The following CYRIB variants were observed in gnomAD, a reference collection of about 807,000 sequenced individuals.
CYRIB encodes the protein CYFIP related Rac1 interactor B, also known as CYFIP-related Rac1 interactor B.
A neutral mutation model predicts 44.2 loss-of-function variants in CYRIB; 8 were observed. The ratio of observed to expected loss-of-function variants is 0.18; its 90% CI spans 0.11 to 0.33. The LOEUF is 0.33. CYRIB is among the 10% of genes least tolerant of loss of function. The pLI, the probability that CYRIB is intolerant of heterozygous loss-of-function variation, is 1.00. For synonymous variants in CYRIB, 131 were observed against 127.2 expected (o/e 1.03, Z -0.20); for missense variants, 185 against 382.8 (o/e 0.48, Z 4.31).
At chr8:129,853,924 C>T (rs755053691) in intron 7 of CYRIB, among the ~76,000 whole-genome samples, 1 of 152,206 alleles carries the variant, frequency 6.6e-6, no homozygotes, top group African/African-American at 2.4e-5. Flanking sequence ...CAAGACTCTT[C>T]CATTCTAAGA....
intron 3 of CYRIB, among the ~76,000 whole-genome samples, chr8:129,872,284 C>T (rs1277961051): frequency 6.6e-6 from 1 of 152,070 alleles, no homozygotes; most frequent in Admixed American, 6.6e-5. Context: ...AATCTGAGTT[C>T]CTACACACTT....
intron 5 of CYRIB, 116 bp downstream of exon 7, chr8:129,862,113 A>G: frequency 1.4e-6 from 1 of 704,104 alleles, no homozygotes; most frequent in South Asian, 1.8e-5. Context: ...TGCTTTACTT[A>G]TAAAACAGAT....
In CYRIB at chr8:129,862,221, C is replaced by A. The variant is rs372093949; in HGVS notation, c.301+8G>T. On this transcript the variant is annotated splice_region_variant and intron_variant, in intron 5 of 11. Coordinates refer to ENST00000519824, the Ensembl canonical transcript of CYRIB. ...AGGGAAGTCACAATTACAAAACTTTCAACTTACCTAACCTCTGAGAAAATT... is the reference window on the plus strand; with the variant it reads ...AGGGAAGTCACAATTACAAAACTTTAAACTTACCTAACCTCTGAGAAAATT... 1.8e-5 allele frequency: 28 copies of A among 1,596,544 alleles called. No homozygotes were observed. The highest frequency in any genetic ancestry group is 2.3e-5 in the Non-Finnish European group (27 of 1,165,330).
chr8:130,009,975 T>G (rs572340053), intron 1 of CYRIB, among the ~76,000 whole-genome samples: 10 of 152,314 alleles, frequency 6.6e-5, no homozygotes, highest in African/African-American at 1.9e-4. Context: ...GAGACTCTAT[T>G]AGGCAGATGA....
upstream of CYRIB, among the ~76,000 whole-genome samples, chr8:129,940,085 G>T (rs538542214): frequency 6.6e-6 from 1 of 152,274 alleles, no homozygotes; most frequent in African/African-American, 2.4e-5. Context: ...CAAATATCGC[G>T]CCGAGATAGC....
rs145424868 is a variant in CYRIB, at chr8:129,862,084, T to A, written c.301+145A>T. On this transcript the variant is annotated intron_variant, in intron 5 of 11. Transcript: ENST00000519824. ...AGGGTTGAAAGAAGATTAACTATAA[T>A]CTTACAGTCTAACAAGCTTGCTTTA... is the stretch of plus-strand genomic sequence containing the variant. The A allele has an allele frequency of 5.0e-4, 302 of 600,204 alleles. No individual in the cohort carries two copies. In the African/African-American group the frequency reaches 5.3e-3, roughly 11 times the overall value. 37.2% of individuals were successfully genotyped at this position (600,204 alleles called of 1,614,324 possible).
intron 11 of CYRIB, among the ~76,000 whole-genome samples, chr8:129,845,603 T>A (rs2039486539): frequency 6.6e-6 from 1 of 152,258 alleles, no homozygotes; most frequent in Non-Finnish European, 1.5e-5. Context: ...TCATAATCTT[T>A]TAAAAACTAT....
At chr8:129,926,961 T>C (rs2088138610) in intron 1 of CYRIB, among the ~76,000 whole-genome samples, 1 of 152,240 alleles carries the variant, frequency 6.6e-6, no homozygotes, top group Admixed American at 6.5e-5. Flanking sequence ...ACACATAATG[T>C]GCTGCATTCA....
chr8:129,930,365 T>TTTTATTTATATATATATATATATATATA (rs369665802), intron 1 of CYRIB, among the ~76,000 whole-genome samples: 5 of 50,416 alleles, frequency 9.9e-5, no homozygotes, highest in Non-Finnish European at 1.6e-4. Context: ...TGTGAAGTGC[T>TTTTATTTATATATATATATATATATATA]TATATATATA....
intron 1 of CYRIB, among the ~76,000 whole-genome samples, chr8:130,006,594 T>TTATATATATA: frequency 0.018 from 273 of 15,296 alleles, 47 homozygotes; most frequent in East Asian, 0.083. Flanking sequence ...AAAACACAAA[T>TTATATATATA]TATATATATA....
chr8:129,902,223 T>C (rs1191821141), intron 2 of CYRIB, among the ~76,000 whole-genome samples: 1 of 152,104 alleles, frequency 6.6e-6, no homozygotes, highest in Non-Finnish European at 1.5e-5. Context: ...TTTGTTTTTA[T>C]TGTTTTTGTT....
intron 2 of CYRIB, among the ~76,000 whole-genome samples, chr8:129,893,500 A>G (rs922523760): frequency 6.6e-6 from 1 of 152,176 alleles, no homozygotes; most frequent in Non-Finnish European, 1.5e-5. Context: ...CTTGTTTGCT[A>G]TTTATTTAAA....
At chr8:129,938,748 T>C (rs1422840518) in intron 1 of CYRIB, among the ~76,000 whole-genome samples, 1 of 152,158 alleles carries the variant, frequency 6.6e-6, no homozygotes, top group Non-Finnish European at 1.5e-5. Flanking sequence ...GTAGAAAGAA[T>C]ACTAATTTTC....
At chr8:129,974,324 G>A (rs1431651031) in intron 1 of CYRIB, among the ~76,000 whole-genome samples, 1 of 152,124 alleles carries the variant, frequency 6.6e-6, no homozygotes, top group African/African-American at 2.4e-5. Flanking sequence ...CGCTTAAATG[G>A]AAGCCTATCT....
chr8:129,897,538 C>A (rs1162721187), intron 2 of CYRIB, among the ~76,000 whole-genome samples: 1 of 150,718 alleles, frequency 6.6e-6, no homozygotes, highest in South Asian at 2.1e-4. Context: ...AGTTACCCAT[C>A]AGATTATGTA....
intron 3 of CYRIB, among the ~76,000 whole-genome samples, chr8:129,876,416 C>T (rs2059146621): frequency 6.6e-6 from 1 of 152,082 alleles, no homozygotes; most frequent in Non-Finnish European, 1.5e-5. Flanking sequence ...CTATCCTCTC[C>T]TACTAGATTG....
At chr8:129,972,606 C>G (rs2095749970) in intron 1 of CYRIB, among the ~76,000 whole-genome samples, 2 of 152,118 alleles carry the variant, frequency 1.3e-5, no homozygotes, top group South Asian at 4.1e-4. Flanking sequence ...TCTAAGCATA[C>G]TGCATACTCA....
intron 1 of CYRIB, among the ~76,000 whole-genome samples, chr8:129,923,715 C>T (rs2085356896): frequency 6.6e-6 from 1 of 151,942 alleles, no homozygotes; most frequent in Non-Finnish European, 1.5e-5. Context: ...TTCTTACATC[C>T]TTGATAGTAC....
At chr8:129,961,534 C>T (rs1217117148) in intron 2 of CYRIB, among the ~76,000 whole-genome samples, 1 of 152,202 alleles carries the variant, frequency 6.6e-6, no homozygotes, top group Non-Finnish European at 1.5e-5. Flanking sequence ...CTCCCATTAT[C>T]ATAGATCTGT....
Sources: gnomAD v4.1 joint callset for allele counts (sites outside exome capture counted in the v4.1 genomes callset) on GRCh38, gnomAD v4.1.1 for gene constraint, MANE v1.5 for transcripts, NCBI Gene and HGNC (gene_info 2026-07-23, HGNC 2026-07-21) for gene names.